ZNF800: variants seen among roughly 807,000 people sequenced by gnomAD.
ZNF800 encodes the protein zinc finger protein 800.
Under a neutral mutation model 59.5 loss-of-function variants are expected in ZNF800, and 13 were observed. That is an observed-to-expected ratio of 0.22 (90% confidence interval 0.14 to 0.35). The LOEUF (loss-of-function observed/expected upper bound fraction) is 0.35. ZNF800 is among the 10% of genes least tolerant of loss of function. The probability of loss-of-function intolerance (pLI) is 1.00; values close to 1 mark genes in which losing one functional copy is unlikely to be tolerated. For missense variants in ZNF800, 621 were observed against 783.7 expected, an observed-to-expected ratio of 0.79 and a Z score of 2.48; for synonymous variants, 266 against 265.7, an observed-to-expected ratio of 1.00 and a Z score of -0.01.
Position 127,391,039 on chromosome 7 carries a change from C to T in ZNF800, c.61+458G>A, listed in dbSNP as rs183981273. ...AACCTGATTCTCCCAATGAGTTCAA[C>T]AAACTTTTAAAACCCAAACTAAACT... is the stretch of plus-strand genomic sequence containing the variant. On this transcript the variant is annotated intron_variant, in intron 2 of 5. Coordinates refer to ENST00000265827, the MANE Select transcript of ZNF800 (RefSeq NM_176814.5). Among the ~76,000 whole-genome samples the T allele has an allele frequency of 3.9e-5, 6 of 152,314 alleles. No individual in the cohort carries two copies. In the East Asian group the frequency reaches 1.2e-3, roughly 29 times the overall value.
intron 1 of ZNF800, among the ~76,000 whole-genome samples, chr7:127,348,364 A>G (rs888555310): frequency 3.3e-5 from 5 of 151,970 alleles, no homozygotes; most frequent in African/African-American, 1.2e-4. Flanking sequence ...GAATACCTAC[A>G]AACTTTTCAT....
In ZNF800 at chr7:127,378,501, C is replaced by G. The variant is rs574156675; in HGVS notation, c.158-1172G>C. On this transcript the variant is annotated intron_variant, in intron 3 of 5. Coordinates refer to ENST00000265827, the MANE Select transcript of ZNF800 (RefSeq NM_176814.5). ...AAATATCCTTAAGACTGTCTAGGTG[C>G]AAAGTGTTGTGTCATTTAAGAAGCA... Among the ~76,000 whole-genome samples the G allele has an allele frequency of 1.6e-4, 25 of 152,054 alleles. 1 individual carries two copies. In the East Asian group the frequency reaches 4.8e-3, roughly 29 times the overall value.
At chr7:127,365,647 A>C (rs534130309), downstream of ZNF800, among the ~76,000 whole-genome samples, 3 of 152,260 alleles carry the variant, frequency 2.0e-5, no homozygotes, top group African/African-American at 7.2e-5. Context: ...AATATCATAA[A>C]AGGTCAGCAA....
chr7:127,345,514 G>T (rs150303715), downstream of ZNF800, among the ~76,000 whole-genome samples: 976 of 152,224 alleles, frequency 6.4e-3, 13 homozygotes, highest in African/African-American at 0.018. Flanking sequence ...AGAGAGGGTG[G>T]CTGTGAAAAG....
intron 1 of ZNF800, chr7:127,361,503 C>T (rs2117050737): frequency 1.3e-5 from 2 of 152,046 alleles, no homozygotes; most frequent in East Asian, 3.9e-4. Context: ...ATCACCTGAG[C>T]CCAGGAGTTC....
downstream of ZNF800, among the ~76,000 whole-genome samples, chr7:127,367,668 T>A (rs1019373340): frequency 6.6e-6 from 1 of 152,126 alleles, no homozygotes; most frequent in Non-Finnish European, 1.5e-5. Flanking sequence ...CCATCAATAT[T>A]GAGAAGATAA....
intron 1 of ZNF800, among the ~76,000 whole-genome samples, chr7:127,357,581 G>A (rs960773948): frequency 5.9e-5 from 9 of 152,052 alleles, no homozygotes. Flanking sequence ...TTCCTGGACA[G>A]ATCAAAGCTA....
In ZNF800 at chr7:127,379,841, C is replaced by CCA. The variant is rs1269613108; in HGVS notation, c.158-2513_158-2512insTG. 2.4e-3 allele frequency among the ~76,000 whole-genome samples: 104 copies of CCA among 42,694 alleles called. 4 individuals carry two copies. The highest frequency in any genetic ancestry group is 0.015 in the Middle Eastern group (2 of 132). 28.0% of individuals were successfully genotyped at this position (42,694 alleles called of 152,430 possible). Reference sequence around the variant, plus strand: ...TGCTTCCCCTTACCCTTGCCACCCCCCCACCCCCCCACCCCCCCCACACAC... The same window carrying CCA: ...TGCTTCCCCTTACCCTTGCCACCCCCCACCACCCCCCCACCCCCCCCACACAC... On this transcript the variant is annotated intron_variant, in intron 3 of 5. Transcript: ENST00000265827.
At chr7:127,366,106 C>A (rs1021437031), downstream of ZNF800, among the ~76,000 whole-genome samples, 2 of 152,046 alleles carry the variant, frequency 1.3e-5, no homozygotes, top group Admixed American at 1.3e-4. Flanking sequence ...CACTACAGAG[C>A]TAGTAAGCAA....
chr7:127,344,457 T>C (rs935737641), downstream of ZNF800, among the ~76,000 whole-genome samples: 2 of 152,118 alleles, frequency 1.3e-5, no homozygotes, highest in Admixed American at 6.5e-5. Context: ...AATTAGTCTA[T>C]ATTGTTAAAG....
chr7:127,385,416 G>A (rs1397427015), intron 3 of ZNF800, among the ~76,000 whole-genome samples: 1 of 152,120 alleles, frequency 6.6e-6, no homozygotes, highest in African/African-American at 2.4e-5. Context: ...CATTTCACAT[G>A]TTGTAAGTAA....
chr7:127,351,186 C>A (rs569141700), intron 1 of ZNF800, among the ~76,000 whole-genome samples: 1 of 152,330 alleles, frequency 6.6e-6, no homozygotes, highest in East Asian at 1.9e-4. Context: ...TGATTCTGCA[C>A]TCCCCTTACA....
chr7:127,377,196 C>A lies in ZNF800; in HGVS notation c.291G>T (p.Gln97His). The change falls in exon 4 of 6, where the codon CAG becomes CAT. Residue 97 changes from glutamine to histidine, a missense_variant. Physicochemically the swap from Gln to His is conservative, Grantham distance 24. Around this residue, in one of 7 missense-constraint regions of ZNF800, gnomAD observed 218 missense variants for 230.8 expected, o/e 0.94. Transcript: ENST00000265827. The surrounding 1 kb of genome is among the most constrained non-coding windows in gnomAD (Gnocchi z 4.7). ...ATGAATAAAACTTACTGTCATCCAT[C>A]TGGAGACTTGGTGGGCAGTAGAATT... ...HKKFYCPPSL[Q>H]MDDNLPDVND... 17 of 1,610,792 alleles carry A rather than the reference C, an allele frequency of 1.1e-5. No homozygotes were observed. The highest frequency in any genetic ancestry group is 1.4e-5 in the Non-Finnish European group (17 of 1,178,274).
At chr7:127,351,800 G>A (rs1216328647) in intron 1 of ZNF800, among the ~76,000 whole-genome samples, 1 of 152,176 alleles carries the variant, frequency 6.6e-6, no homozygotes, top group Non-Finnish European at 1.5e-5. Context: ...CACACTCTAT[G>A]AGAAAGAATT....
downstream of ZNF800, among the ~76,000 whole-genome samples, chr7:127,367,534 T>A (rs1213067301): frequency 6.6e-6 from 1 of 152,160 alleles, no homozygotes; most frequent in African/African-American, 2.4e-5. Context: ...ATGAAAAGAT[T>A]TAGCAGAGTG....
At chr7:127,359,159 T>C (rs1800342669) in intron 1 of ZNF800, among the ~76,000 whole-genome samples, 1 of 152,044 alleles carries the variant, frequency 6.6e-6, no homozygotes, top group African/African-American at 2.4e-5. Flanking sequence ...TTGGGTTAAT[T>C]CAACCTAGCA....
At chr7:127,344,479 A>C (rs1465929849), downstream of ZNF800, among the ~76,000 whole-genome samples, 2 of 152,130 alleles carry the variant, frequency 1.3e-5, no homozygotes, top group African/African-American at 2.4e-5. Context: ...AATTCCAAAC[A>C]AAATGGCAAT....
chr7:127,348,108 CAAGGA>C (rs1318335885), intron 1 of ZNF800: 2 of 151,928 alleles, frequency 1.3e-5, no homozygotes, highest in African/African-American at 4.8e-5. Flanking sequence ...GGTTAGAAAC[CAAGGA>C]AAGAGCGCCG....
intron 1 of ZNF800, chr7:127,361,680 C>G (rs1337628065): frequency 6.6e-6 from 1 of 152,022 alleles, no homozygotes; most frequent in Admixed American, 6.6e-5. Flanking sequence ...TTACTACAGT[C>G]CTTGGCATAA....
Sources: allele counts gnomAD v4.1 joint callset (sites outside exome capture counted in the v4.1 genomes callset), GRCh38; gene constraint gnomAD v4.1.1; regional missense constraint gnomAD v4.1.1; non-coding constraint Gnocchi (gnomAD v3.1); transcripts MANE v1.5; gene names NCBI Gene and HGNC (gene_info 2026-07-23, HGNC 2026-07-21).